Variants in GABBR2 observed in about 807,000 individuals in gnomAD.
GABBR2 encodes gamma-aminobutyric acid type B receptor subunit 2.
GABBR2 carries 23 observed loss-of-function variants against 105.6 expected under a neutral mutation model. The ratio of observed to expected loss-of-function variants is 0.22; its 90% CI spans 0.16 to 0.31. The LOEUF (loss-of-function observed/expected upper bound fraction) is 0.31, where lower values mean the gene tolerates loss of function less well. Among genes scored for constraint, GABBR2 ranks in the 10% least tolerant of loss-of-function variants. GABBR2 has a pLI of 1.00. For missense variants in GABBR2, 734 were observed against 1,245.5 expected (o/e 0.59, Z 6.18); for synonymous variants, 478 against 499.7 (o/e 0.96, Z 0.58).
intron 1 of GABBR2, among the ~76,000 whole-genome samples, chr9:98,595,025 G>T (rs190646801): frequency 1.3e-5 from 2 of 152,276 alleles, no homozygotes; most frequent in Admixed American, 6.5e-5. Context: ...CACAGTCACC[G>T]CAGAGAATGG....
chr9:98,384,311 T>C (rs1178870427), intron 11 of GABBR2, among the ~76,000 whole-genome samples: 5 of 152,174 alleles, frequency 3.3e-5, no homozygotes, highest in African/African-American at 1.2e-4. Flanking sequence ...AACTATTAAG[T>C]GATTGCTAAT....
At chr9:98,449,026 A>T (rs1826186153) in intron 7 of GABBR2, among the ~76,000 whole-genome samples, 1 of 152,172 alleles carries the variant, frequency 6.6e-6, no homozygotes, top group Admixed American at 6.5e-5. Flanking sequence ...TCTCCTGACG[A>T]TGAATTTAGT....
chr9:98,384,361 C>A (rs749060603), intron 11 of GABBR2, among the ~76,000 whole-genome samples: 9 of 152,144 alleles, frequency 5.9e-5, no homozygotes, highest in Admixed American at 1.3e-4. Context: ...GAGGCCGAGG[C>A]AGGCAGATCA....
chr9:98,301,550 T>A (rs553200725), intron 16 of GABBR2, among the ~76,000 whole-genome samples: 2 of 152,184 alleles, frequency 1.3e-5, no homozygotes, highest in Non-Finnish European at 2.9e-5. Flanking sequence ...CACGTTTTCA[T>A]GTGGAGGAGG....
intron 1 of GABBR2, among the ~76,000 whole-genome samples, chr9:98,672,108 A>G (rs935569010): frequency 1.3e-5 from 2 of 152,190 alleles, no homozygotes; most frequent in African/African-American, 4.8e-5. Flanking sequence ...TAAAATGCAC[A>G]GTTCAGTAGT....
chr9:98,689,233 G>A (rs1032787462), intron 1 of GABBR2, among the ~76,000 whole-genome samples: 9 of 152,188 alleles, frequency 5.9e-5, no homozygotes, highest in African/African-American at 1.2e-4. Flanking sequence ...GGTGTATAAC[G>A]TTTAGGGATG....
chr9:98,475,787 G>A (rs905600277), intron 5 of GABBR2, among the ~76,000 whole-genome samples: 1 of 152,198 alleles, frequency 6.6e-6, no homozygotes, highest in African/African-American at 2.4e-5. Flanking sequence ...GATACAGAGT[G>A]GCTGGGCGCG....
Position 98,299,210 on chromosome 9 carries a change from C to T in GABBR2, c.2542+14G>A, listed in dbSNP as rs2131343898. The T allele has an allele frequency of 6.2e-7, 1 of 1,612,828 alleles. No individual in the cohort carries two copies. The highest frequency in any genetic ancestry group is 8.5e-7 in the Non-Finnish European group (1 of 1,179,066). On this transcript the variant is annotated intron_variant, in intron 17 of 18. Coordinates refer to ENST00000259455, the MANE Select transcript of GABBR2 (RefSeq NM_005458.8). Reference sequence around the variant, plus strand: ...CAAGGTCCCTACCACATTCTGGGGCCCTGGCTCTCTTACCTGTGCTCTCAG... The same window carrying T: ...CAAGGTCCCTACCACATTCTGGGGCTCTGGCTCTCTTACCTGTGCTCTCAG...
chr9:98,437,056 A>G (rs1825939419), intron 7 of GABBR2, among the ~76,000 whole-genome samples: 1 of 152,132 alleles, frequency 6.6e-6, no homozygotes, highest in African/African-American at 2.4e-5. Flanking sequence ...TGAGTGAGGA[A>G]TAAAGGCATC....
intron 6 of GABBR2, among the ~76,000 whole-genome samples, chr9:98,456,177 A>G (rs1351151300): frequency 6.6e-6 from 1 of 152,036 alleles, no homozygotes; most frequent in Non-Finnish European, 1.5e-5. Flanking sequence ...CCTCCTAGAG[A>G]AGGAGGAAAC....
At chr9:98,597,730 A>C (rs927260498) in intron 1 of GABBR2, among the ~76,000 whole-genome samples, 6 of 152,208 alleles carry the variant, frequency 3.9e-5, no homozygotes, top group Admixed American at 1.3e-4. Flanking sequence ...ACTCAGAGCA[A>C]TAAGAAAAAA....
chr9:98,507,870 A>G (rs1012183126), intron 3 of GABBR2, among the ~76,000 whole-genome samples: 3 of 152,164 alleles, frequency 2.0e-5, no homozygotes, highest in Non-Finnish European at 4.4e-5. Flanking sequence ...ACCAGGTCCA[A>G]GCACCTTTCT....
intron 13 of GABBR2, among the ~76,000 whole-genome samples, chr9:98,326,920 AC>A (rs1170894548): frequency 6.6e-6 from 1 of 152,236 alleles, no homozygotes; most frequent in Non-Finnish European, 1.5e-5. Flanking sequence ...AGTAAAGCCT[AC>A]TTGCTCAGGG....
intron 2 of GABBR2, among the ~76,000 whole-genome samples, chr9:98,568,898 T>C (rs1378825080): frequency 6.6e-6 from 1 of 152,180 alleles, no homozygotes; most frequent in African/African-American, 2.4e-5. Flanking sequence ...ACTGGGCATC[T>C]GATGACAGCC....
intron 1 of GABBR2, among the ~76,000 whole-genome samples, chr9:98,658,071 A>T (rs1830206080): frequency 1.3e-5 from 2 of 152,262 alleles, no homozygotes; most frequent in African/African-American, 4.8e-5. Context: ...GCAGCATGCT[A>T]AATACTTTAC....
intron 1 of GABBR2, chr9:98,707,397 G>A (rs974138422): frequency 6.6e-6 from 1 of 152,330 alleles, no homozygotes; most frequent in African/African-American, 2.4e-5. Context: ...GCTGCGGTCG[G>A]AGCACAGGGG....
At chr9:98,318,638 T>A (rs867449748) in intron 13 of GABBR2, among the ~76,000 whole-genome samples, 1 of 152,104 alleles carries the variant, frequency 6.6e-6, no homozygotes, top group African/African-American at 2.4e-5. Flanking sequence ...CTCGGACCTT[T>A]TATTCCTGCC....
Position 98,613,026 on chromosome 9 carries a change from C to T in GABBR2, c.322-34954G>A, listed in dbSNP as rs569625766. Among the ~76,000 whole-genome samples, 3 of 152,304 alleles carry T rather than the reference C, an allele frequency of 2.0e-5. No individual in the cohort carries two copies. In the East Asian group the frequency reaches 5.8e-4, roughly 29 times the overall value. On this transcript the variant is annotated intron_variant, in intron 1 of 18. Transcript: ENST00000259455. Reference sequence around the variant, plus strand: ...CTGCCTCAGCCCACAGGAAGCTGCACGCTCTGGATGGCAGGACAAGGTGGA... The same window carrying T: ...CTGCCTCAGCCCACAGGAAGCTGCATGCTCTGGATGGCAGGACAAGGTGGA...
chr9:98,680,316 AT>A (rs1830527363), intron 1 of GABBR2, among the ~76,000 whole-genome samples: 2 of 151,952 alleles, frequency 1.3e-5, no homozygotes, highest in African/African-American at 4.8e-5. Flanking sequence ...TTATTTATTT[AT>A]TTTTTTGAGA....
Sources: gnomAD v4.1 joint callset for allele counts (sites outside exome capture counted in the v4.1 genomes callset) on GRCh38, gnomAD v4.1.1 for gene constraint, MANE v1.5 for transcripts, NCBI Gene and HGNC (gene_info 2026-07-23, HGNC 2026-07-21) for gene names.